Variants in LAYN observed in about 807,000 individuals in gnomAD.
LAYN encodes the protein layilin.
LAYN carries 38 observed loss-of-function variants against 43.6 expected under a neutral mutation model. That is an observed-to-expected ratio of 0.87 (90% CI 0.67 to 1.14). LAYN has a LOEUF of 1.14. LAYN is among the 50% of genes most tolerant of loss of function. LAYN has a pLI of 0.00. For missense variants in LAYN, 479 were observed against 463.8 expected, an observed-to-expected ratio of 1.03 and a Z score of -0.30; for synonymous variants, 168 against 172.9, an observed-to-expected ratio of 0.97 and a Z score of 0.22.
At chr11:111,554,416 A>G in intron 3 of LAYN, 145 bp from the exon 4 acceptor site, 1 of 656,928 alleles carries the variant, frequency 1.5e-6, no homozygotes, top group Non-Finnish European at 2.6e-6. Flanking sequence ...TTACTAGCCC[A>G]GTTCCTGATA....
chr11:111,557,528 T>G lies in LAYN; in HGVS notation c.659-13T>G, dbSNP rs770408706. The G allele has an allele frequency of 8.7e-6, 14 of 1,604,816 alleles. No individual in the cohort carries two copies. The East Asian group carries it at 2.2e-4, about 26-fold the overall frequency. On this transcript the variant is annotated splice_polypyrimidine_tract_variant and intron_variant, in intron 5 of 6. Coordinates refer to ENST00000375614, the MANE Select transcript of LAYN (RefSeq NM_178834.5). The stretch of plus-strand genomic sequence containing the variant: ...AACAGCCAATGCTGATCATGTGCTT[T>G]CTTTCTTTTCAGAAGCTGCCTTGAA...
chr11:111,552,543 C>A (rs1867762073), intron 3 of LAYN, among the ~76,000 whole-genome samples: 3 of 152,236 alleles, frequency 2.0e-5, no homozygotes, highest in Admixed American at 2.0e-4. Context: ...CATAGCTGAA[C>A]ACTTGCTTAC....
At chr11:111,558,785 T>TAC (rs1565275666) in intron 6 of LAYN, among the ~76,000 whole-genome samples, 1 of 100,878 alleles carries the variant, frequency 9.9e-6, no homozygotes, top group African/African-American at 3.9e-5. Flanking sequence ...TTTAAAAAAA[T>TAC]ATATATATAT....
intron 5 of LAYN, among the ~76,000 whole-genome samples, chr11:111,556,253 G>A (rs1444165369): frequency 1.3e-5 from 2 of 152,218 alleles, no homozygotes; most frequent in African/African-American, 4.8e-5. Flanking sequence ...GAGTTTCCTT[G>A]TCATCCCCCA....
At chr11:111,551,636 G>C (rs1039994803) in intron 3 of LAYN, among the ~76,000 whole-genome samples, 2 of 152,024 alleles carry the variant, frequency 1.3e-5, no homozygotes, top group Non-Finnish European at 2.9e-5. Flanking sequence ...TTTCCCAAGA[G>C]CTCTTAATTT....
chr11:111,542,639 C>G (rs185905371), intron 1 of LAYN, among the ~76,000 whole-genome samples: 64 of 152,256 alleles, frequency 4.2e-4, no homozygotes, highest in Admixed American at 9.8e-4. Context: ...GAGGAGGTTC[C>G]CAAACCAAAA....
At chr11:111,555,593 A>G (rs1224319498) in intron 5 of LAYN, among the ~76,000 whole-genome samples, 2 of 152,232 alleles carry the variant, frequency 1.3e-5, no homozygotes, top group African/African-American at 4.8e-5. Flanking sequence ...GAGAGAGAAA[A>G]TGTAGAGAAA....
intron 2 of LAYN, among the ~76,000 whole-genome samples, chr11:111,548,407 A>T (rs755681972): frequency 2.0e-5 from 3 of 152,208 alleles, no homozygotes; most frequent in Non-Finnish European, 4.4e-5. Flanking sequence ...TTCAACCTAT[A>T]AGACAAAATA....
At chr11:111,541,527 C>T (rs1867538769) in intron 1 of LAYN, 6 of 1,534,160 alleles carry the variant, frequency 3.9e-6, no homozygotes, top group South Asian at 1.2e-5. Flanking sequence ...CGGGGAATGA[C>T]TCTCTGCTTC....
chr11:111,553,591 C>G lies in LAYN; in HGVS notation c.542-970C>G, dbSNP rs145415903. On this transcript the variant is annotated intron_variant, in intron 3 of 6. Transcript: ENST00000375614. Reference sequence around the variant, plus strand: ...CCAAGATTGTGCCTCTGAACTCCAGCCTGGGTGACAGAGCAAGACTCTCTC... The same window carrying G: ...CCAAGATTGTGCCTCTGAACTCCAGGCTGGGTGACAGAGCAAGACTCTCTC... Among the ~76,000 whole-genome samples the G allele has an allele frequency of 6.6e-4, 100 of 150,848 alleles. No homozygotes were observed. In the East Asian group the frequency reaches 0.017, roughly 26 times the overall value.
intron 3 of LAYN, among the ~76,000 whole-genome samples, chr11:111,552,118 G>A (rs1867755091): frequency 6.6e-6 from 1 of 152,104 alleles, no homozygotes; most frequent in African/African-American, 2.4e-5. Context: ...TTAAGTAAAT[G>A]AAATGTGATG....
intron 5 of LAYN, among the ~76,000 whole-genome samples, chr11:111,556,113 C>G (rs1164342244): frequency 6.6e-6 from 1 of 152,138 alleles, no homozygotes; most frequent in Non-Finnish European, 1.5e-5. Flanking sequence ...ATCCCCACCT[C>G]TTAGGTTTGA....
chr11:111,559,211 TA>T (rs1468022742), intron 6 of LAYN, among the ~76,000 whole-genome samples: 1 of 152,210 alleles, frequency 6.6e-6, no homozygotes, highest in Non-Finnish European at 1.5e-5. Flanking sequence ...TGTACTCCTT[TA>T]TTAATGCTTC....
intron 5 of LAYN, among the ~76,000 whole-genome samples, chr11:111,556,860 T>C (rs569357787): frequency 1.3e-5 from 2 of 152,286 alleles, no homozygotes; most frequent in South Asian, 2.1e-4. Context: ...GGAACATCTT[T>C]GGTTCTAAGT....
chr11:111,560,335 G>C lies in LAYN; in HGVS notation c.1002G>C (p.Gly334=). The C allele has an allele frequency of 6.2e-7, 1 of 1,614,214 alleles. No individual in the cohort carries two copies. Among genetic ancestry groups the C allele is most frequent in the African/African-American group, 1.3e-5 (1 of 75,050 alleles). ...DNMAVNPSES[G]FVTLVSVESG... is the part of the protein sequence containing the mutation. ...TGGCTGTGAACCCATCAGAAAGTGG[G>C]TTTGTGACTCTGGTGAGCGTGGAGA... Residue 334 remains glycine (G), a synonymous_variant, in exon 7 of 7, where the codon GGG becomes GGC. Transcript: ENST00000375614.
At chr11:111,548,447 G>A (rs1383914835) in intron 2 of LAYN, among the ~76,000 whole-genome samples, 1 of 152,186 alleles carries the variant, frequency 6.6e-6, no homozygotes. Context: ...GTGGGGAGGG[G>A]AACAAGGCAA....
Position 111,540,882 on chromosome 11 carries a change from C to A in LAYN, c.39C>A (p.Ala13=). Residue 13 remains alanine, a synonymous_variant, in exon 1 of 7, where the codon GCC becomes GCA. Coordinates refer to ENST00000375614, the MANE Select transcript of LAYN (RefSeq NM_178834.5). ...CCGCGCTACAGGCCGTGCTGCTGGCCGTGCTGCTGGTGGGGCTGCGGGCCG... is the reference window on the plus strand; with the variant it reads ...CCGCGCTACAGGCCGTGCTGCTGGCAGTGCTGCTGGTGGGGCTGCGGGCCG... The part of the protein sequence containing the change: ...PGTALQAVLL[A]VLLVGLRAAT... 3 of 1,532,326 alleles carry A rather than the reference C, an allele frequency of 2.0e-6. No homozygotes were observed. The highest frequency in any genetic ancestry group is 2.6e-6 in the Non-Finnish European group (3 of 1,145,638). The allele number at this position is 1,532,326 out of a possible 1,614,324, so 94.9% of individuals were successfully genotyped here. A position where few individuals can be genotyped will look rare whatever the true frequency, so the allele number is the denominator to read the frequency against.
intron 3 of LAYN, among the ~76,000 whole-genome samples, chr11:111,550,400 A>G (rs1055613230): frequency 1.3e-5 from 2 of 152,192 alleles, no homozygotes; most frequent in African/African-American, 4.8e-5. Flanking sequence ...GGTTTCCCAG[A>G]CTTCTCCATT....
rs1407486855 is a variant in LAYN, at chr11:111,549,776, G to A, written c.541+1G>A. The stretch of plus-strand genomic sequence containing the variant: ...AATTTCATTTGCAAATATTCTGATG[G>A]TAATGAATCCTCTCCCAAGCTATGC... On this transcript the variant is annotated splice_donor_variant, in intron 3 of 6. Coordinates refer to ENST00000375614, the MANE Select transcript of LAYN (RefSeq NM_178834.5). LOFTEE classifies it high-confidence loss of function. The A allele has an allele frequency of 5.0e-6, 8 of 1,600,244 alleles. No individual in the cohort carries two copies. The highest frequency in any genetic ancestry group is 6.8e-6 in the Non-Finnish European group (8 of 1,174,714).
Sources: allele counts gnomAD v4.1 joint callset (sites outside exome capture counted in the v4.1 genomes callset), GRCh38; gene constraint gnomAD v4.1.1; transcripts MANE v1.5; gene names NCBI Gene and HGNC (gene_info 2026-07-23, HGNC 2026-07-21).